Variants in BMPR1B observed in about 807,000 individuals in gnomAD.
BMPR1B encodes bone morphogenetic protein receptor type 1B.
A neutral mutation model predicts 59.1 loss-of-function variants in BMPR1B; 12 were observed. The ratio of observed to expected loss-of-function variants is 0.20; its 90% CI spans 0.13 to 0.33. BMPR1B has a LOEUF of 0.33. BMPR1B is among the 10% of genes least tolerant of loss of function. The pLI is 1.00. For missense variants in BMPR1B, 550 were observed against 610.9 expected (o/e 0.90, Z 1.05); for synonymous variants, 237 against 207.3 (o/e 1.14, Z -1.23).
intron 1 of BMPR1B, among the ~76,000 whole-genome samples, chr4:94,861,798 G>T (rs1255553102): frequency 1.3e-5 from 2 of 152,122 alleles, no homozygotes; most frequent in African/African-American, 2.4e-5. Flanking sequence ...GATGATATAG[G>T]TCAGAGTAGA....
In BMPR1B at chr4:94,879,699, C is replaced by G. The variant is rs143992981; in HGVS notation, c.-113+3799C>G. 2.6e-3 allele frequency among the ~76,000 whole-genome samples: 402 copies of G among 152,180 alleles called. 1 individual carries two copies. The highest frequency in any genetic ancestry group is 9.1e-3 in the African/African-American group (379 of 41,540). On this transcript the variant is annotated intron_variant, in intron 2 of 12. Coordinates refer to ENST00000515059, the MANE Select transcript of BMPR1B (RefSeq NM_001203.3). ...TTTCCTGTTGTTTCGTCCAGGAGAT[C>G]TTTAAATTTTTTTCCCCATTATTAT...
rs148344992 is a variant in BMPR1B at position 95,147,528 on chromosome 4, G to A, written c.1077-1220G>A. Among the ~76,000 whole-genome samples, 332 of 152,100 alleles carry A rather than the reference G, an allele frequency of 2.2e-3. 1 individual carries two copies. Among genetic ancestry groups the A allele is most frequent in the African/African-American group, 6.8e-3 (282 of 41,500 alleles). On this transcript the variant is annotated intron_variant, in intron 10 of 12. Transcript: ENST00000515059. ...TTTCCAGGCTGAGGAGAAATAACATGTAAATTCTTGAAAGTCAATAGAGTG... is the reference window on the plus strand; with the variant it reads ...TTTCCAGGCTGAGGAGAAATAACATATAAATTCTTGAAAGTCAATAGAGTG...
chr4:94,880,673 CTG>C (rs903695374), intron 2 of BMPR1B, among the ~76,000 whole-genome samples: 1 of 138,870 alleles, frequency 7.2e-6, no homozygotes, highest in Admixed American at 7.5e-5. Flanking sequence ...GAGTTTCACT[CTG>C]TCACCCAGGC....
At chr4:94,842,633 G>A (rs1157740771) in intron 1 of BMPR1B, among the ~76,000 whole-genome samples, 1 of 152,010 alleles carries the variant, frequency 6.6e-6, no homozygotes, top group East Asian at 1.9e-4. Flanking sequence ...TCAGCTCACT[G>A]CAACCTCCAG....
intron 3 of BMPR1B, among the ~76,000 whole-genome samples, chr4:95,095,742 T>C (rs1018052588): frequency 2.0e-5 from 3 of 152,098 alleles, no homozygotes; most frequent in Admixed American, 6.6e-5. Flanking sequence ...GCATTACATA[T>C]TGAATTTAAT....
At chr4:94,935,484 C>G (rs1265961737) in intron 2 of BMPR1B, among the ~76,000 whole-genome samples, 1 of 152,108 alleles carries the variant, frequency 6.6e-6, no homozygotes, top group African/African-American at 2.4e-5. Context: ...CTACAGCTTG[C>G]CTTTCAGTAG....
intron 3 of BMPR1B, among the ~76,000 whole-genome samples, chr4:95,054,319 T>G (rs7682651): frequency 0.33 from 50,912 of 152,006 alleles, 8,689 homozygotes; most frequent in South Asian, 0.4. Flanking sequence ...CTCATCAACC[T>G]AAATCTTACC....
At chr4:94,795,863 G>A (rs1052705864) in intron 1 of BMPR1B, among the ~76,000 whole-genome samples, 1 of 152,114 alleles carries the variant, frequency 6.6e-6, no homozygotes, top group African/African-American at 2.4e-5. Context: ...TTTGCTGTTT[G>A]AATTCTATAT....
intron 3 of BMPR1B, among the ~76,000 whole-genome samples, chr4:95,021,236 A>G (rs1723958742): frequency 6.6e-6 from 1 of 152,220 alleles, no homozygotes; most frequent in South Asian, 2.1e-4. Flanking sequence ...TACCATATTT[A>G]TATTCAACAT....
intron 1 of BMPR1B, among the ~76,000 whole-genome samples, chr4:94,853,286 G>A (rs1725631731): frequency 6.6e-6 from 1 of 152,140 alleles, no homozygotes; most frequent in Non-Finnish European, 1.5e-5. Context: ...ACCTTTATGT[G>A]TGATTGCTAC....
intron 2 of BMPR1B, among the ~76,000 whole-genome samples, chr4:94,918,494 T>C (rs1728569942): frequency 6.6e-6 from 1 of 152,014 alleles, no homozygotes; most frequent in African/African-American, 2.4e-5. Context: ...CTGGACAACA[T>C]AGAAAGGCCC....
chr4:94,777,686 A>G (rs1285822559), intron 1 of BMPR1B, among the ~76,000 whole-genome samples: 1 of 152,180 alleles, frequency 6.6e-6, no homozygotes, highest in Non-Finnish European at 1.5e-5. Context: ...AGATTGGGCC[A>G]GAAAACAGGT....
intron 2 of BMPR1B, among the ~76,000 whole-genome samples, chr4:94,957,636 C>T (rs1730199272): frequency 6.6e-6 from 1 of 151,908 alleles, no homozygotes; most frequent in African/African-American, 2.4e-5. Context: ...AGGAATGCAT[C>T]AGATGGTCTT....
intron 3 of BMPR1B, among the ~76,000 whole-genome samples, chr4:95,029,489 G>T (rs1362364343): frequency 6.6e-6 from 1 of 152,022 alleles, no homozygotes; most frequent in Non-Finnish European, 1.5e-5. Flanking sequence ...TCTTAATCCA[G>T]TCTATCATTG....
intron 4 of BMPR1B, among the ~76,000 whole-genome samples, chr4:95,113,720 A>G (rs1424735099): frequency 6.6e-6 from 1 of 152,160 alleles, no homozygotes; most frequent in Non-Finnish European, 1.5e-5. Context: ...TGTATATAAC[A>G]GATGTGTTTT....
At chr4:94,784,897 T>G (rs1722709978) in intron 1 of BMPR1B, among the ~76,000 whole-genome samples, 1 of 152,186 alleles carries the variant, frequency 6.6e-6, no homozygotes, top group Non-Finnish European at 1.5e-5. Flanking sequence ...TCCTGTGACC[T>G]TTAGGGTAAG....
chr4:94,798,449 C>T (rs917411986), intron 1 of BMPR1B, among the ~76,000 whole-genome samples: 2 of 152,242 alleles, frequency 1.3e-5, no homozygotes, highest in Non-Finnish European at 2.9e-5. Flanking sequence ...GTATCCCTTA[C>T]TCTCAGTTAC....
chr4:94,967,691 C>A (rs990604021), intron 2 of BMPR1B, among the ~76,000 whole-genome samples: 1 of 152,062 alleles, frequency 6.6e-6, no homozygotes, highest in African/African-American at 2.4e-5. Flanking sequence ...ACCGTGTTGA[C>A]CAGGCTGGTC....
chr4:94,936,138 A>T (rs1040080022), intron 2 of BMPR1B, among the ~76,000 whole-genome samples: 40 of 152,136 alleles, frequency 2.6e-4, no homozygotes, highest in Non-Finnish European at 1.8e-4. Flanking sequence ...TGTTTATCTG[A>T]CCGTGGTATT....
Sources: gnomAD v4.1 joint callset for allele counts (sites outside exome capture counted in the v4.1 genomes callset) on GRCh38, gnomAD v4.1.1 for gene constraint, MANE v1.5 for transcripts, NCBI Gene and HGNC (gene_info 2026-07-23, HGNC 2026-07-21) for gene names.